Variants in MSANTD7 observed in about 807,000 individuals in gnomAD.
MSANTD7 encodes the protein zinc finger and SCAN domain containing 29.
the MSANTD7 span, chr10:14,840,146 C>G: frequency 1.4e-6 from 2 of 1,434,282 alleles, no homozygotes; most frequent in South Asian, 1.6e-5. Flanking sequence ...TAAAGCAGAT[C>G]CTGGGCAGAA....
the MSANTD7 span, chr10:14,843,462 G>T: frequency 5.2e-6 from 8 of 1,550,540 alleles, no homozygotes; most frequent in Non-Finnish European, 5.2e-6. Flanking sequence ...TGGCCAGACT[G>T]GGTGTGTCCG....
At chr10:14,841,374 A>G in the MSANTD7 span, 5 of 152,222 alleles carry the variant, frequency 3.3e-5, no homozygotes, top group African/African-American at 1.2e-4. Flanking sequence ...TGAGCAGCCA[A>G]CAATATGATT....
the MSANTD7 span, chr10:14,843,698 G>A: frequency 1.2e-5 from 19 of 1,541,272 alleles, no homozygotes; most frequent in East Asian, 2.2e-4. Context: ...CTCTCAAAGC[G>A]GGAGGAAGAA....
the MSANTD7 span, chr10:14,838,381 C>G: frequency 8.2e-6 from 13 of 1,592,440 alleles, no homozygotes; most frequent in Non-Finnish European, 1.1e-5. Flanking sequence ...CTCATTCCTG[C>G]CGCTGCCGTC....
chr10:14,846,122 T>C, the MSANTD7 span: 1 of 983,636 alleles, frequency 1.0e-6, no homozygotes, highest in African/African-American at 1.8e-5. Context: ...ACATATAGAC[T>C]CTTTACTTTA....
chr10:14,845,136 C>G, the MSANTD7 span: 1 of 985,426 alleles, frequency 1.0e-6, no homozygotes, highest in Non-Finnish European at 1.2e-6. Flanking sequence ...CAGACACACA[C>G]TGGGGAGAGA....
At chr10:14,840,041 AAT>A in the MSANTD7 span, 113,209 of 1,097,618 alleles carry the variant, frequency 0.1, 3,192 homozygotes, top group South Asian at 0.14. Context: ...CATACATTGT[AAT>A]ATATATATAT....
chr10:14,839,889 G>A, the MSANTD7 span: 2 of 1,600,058 alleles, frequency 1.2e-6, no homozygotes, highest in Non-Finnish European at 1.7e-6. Context: ...TATGTATTTC[G>A]TGTTTTTTTC....
At chr10:14,844,480 CATT>C in the MSANTD7 span, 2 of 984,066 alleles carry the variant, frequency 2.0e-6, no homozygotes, top group Non-Finnish European at 2.4e-6. Context: ...CTGTGTGGCT[CATT>C]AGACGACTAT....
chr10:14,842,923 G>A, the MSANTD7 span: 4 of 1,055,374 alleles, frequency 3.8e-6, no homozygotes, highest in African/African-American at 3.2e-5. The surrounding 1 kb of genome is among the most constrained non-coding windows in gnomAD (Gnocchi z 5.2). Flanking sequence ...TGTTTGGATA[G>A]TGTCCTCTTC....
the MSANTD7 span, chr10:14,843,683 G>A: frequency 1.7e-5 from 26 of 1,544,768 alleles, no homozygotes; most frequent in East Asian, 2.4e-5. Flanking sequence ...CGATTGGCAC[G>A]AGAACTCTCA....
the MSANTD7 span, chr10:14,842,467 G>A: frequency 2.6e-6 from 4 of 1,536,176 alleles, no homozygotes; most frequent in Non-Finnish European, 3.5e-6. The surrounding 1 kb of genome is among the most constrained non-coding windows in gnomAD (Gnocchi z 5.2). Context: ...CCGAACGTCA[G>A]TGCCGCTCCA....
At chr10:14,846,214 G>A in the MSANTD7 span, 1 of 985,222 alleles carries the variant, frequency 1.0e-6, no homozygotes, top group Non-Finnish European at 1.2e-6. Flanking sequence ...GGAAAGATAT[G>A]TGTCAATTAT....
the MSANTD7 span, chr10:14,844,537 G>A: frequency 4.1e-6 from 4 of 986,856 alleles, no homozygotes; most frequent in Non-Finnish European, 4.8e-6. Flanking sequence ...CATTTCCACT[G>A]CTGTGTATCT....
At chr10:14,842,841 G>A in the MSANTD7 span, 1 of 1,529,360 alleles carries the variant, frequency 6.5e-7, no homozygotes, top group Admixed American at 2.0e-5. The surrounding 1 kb of genome is among the most constrained non-coding windows in gnomAD (Gnocchi z 5.2). Flanking sequence ...GAATCCTCGG[G>A]TGCAGGTAAC....
chr10:14,838,622 T>C, the MSANTD7 span: 16 of 646,578 alleles, frequency 2.5e-5, no homozygotes, highest in South Asian at 3.4e-4. Context: ...AGGCCCGGCC[T>C]CGCGCCTGGC....
the MSANTD7 span, chr10:14,839,902 T>A: frequency 2.5e-6 from 4 of 1,611,646 alleles, no homozygotes; most frequent in Non-Finnish European, 3.4e-6. Context: ...TTTTTTTCTC[T>A]AGGATGGCCG....
chr10:14,842,233 A>C, the MSANTD7 span: 1 of 1,535,694 alleles, frequency 6.5e-7, no homozygotes, highest in Non-Finnish European at 8.7e-7. The surrounding 1 kb of genome is among the most constrained non-coding windows in gnomAD (Gnocchi z 5.2). Context: ...CCACACCTTC[A>C]GACTTGCACC....
chr10:14,846,432 A>C, the MSANTD7 span: 1 of 985,278 alleles, frequency 1.0e-6, no homozygotes, highest in Non-Finnish European at 1.2e-6. Context: ...CTAATGTGGG[A>C]ATAAAAGTCA....
Sources: allele counts gnomAD v4.1 joint callset, GRCh38; gene constraint gnomAD v4.1.1; non-coding constraint Gnocchi (gnomAD v3.1); transcripts MANE v1.5; gene names NCBI Gene and HGNC (gene_info 2026-07-23, HGNC 2026-07-21).